Variants in TMEM74 observed in about 807,000 individuals in gnomAD.
The protein encoded by TMEM74 is transmembrane protein 74.
In TMEM74, 13 loss-of-function variants were observed where a neutral mutation model predicts 18.1. The ratio of observed to expected loss-of-function variants is 0.72; its 90% CI spans 0.47 to 1.14. The LOEUF (loss-of-function observed/expected upper bound fraction) is 1.14. Among genes scored for constraint, TMEM74 ranks in the 50% most tolerant of loss-of-function variants. The pLI is 0.00. For missense variants in TMEM74, 372 were observed against 375.9 expected (o/e 0.99, Z 0.09); for synonymous variants, 159 against 146.6 (o/e 1.08, Z -0.61).
At chr8:108,713,725 G>A (rs1234061381) in intron 1 of TMEM74, among the ~76,000 whole-genome samples, 2 of 152,230 alleles carry the variant, frequency 1.3e-5, no homozygotes, top group East Asian at 3.8e-4. Context: ...TGATATATGA[G>A]AGGAGATTTG....
chr8:108,672,694 T>C (rs950544903), intron 1 of TMEM74, among the ~76,000 whole-genome samples: 1 of 152,238 alleles, frequency 6.6e-6, no homozygotes, highest in Admixed American at 6.6e-5. Context: ...GATTAAAATA[T>C]ACAAAGCCAT....
At chr8:108,620,349 G>A (rs191840185) in intron 2 of TMEM74, among the ~76,000 whole-genome samples, 8 of 152,256 alleles carry the variant, frequency 5.3e-5, no homozygotes, top group South Asian at 2.1e-4. Context: ...ATCTCTGCAC[G>A]TGTAAGATTG....
intron 1 of TMEM74, among the ~76,000 whole-genome samples, chr8:108,698,045 G>A (rs899457324): frequency 1.3e-4 from 19 of 151,994 alleles, no homozygotes; most frequent in African/African-American, 3.1e-4. Flanking sequence ...CCTTAATCAC[G>A]AAAGTCTGTG....
At position 108,780,618 on chromosome 8, in the gene TMEM74, A is replaced by C. The variant is rs956353588; in HGVS notation, c.*3563T>G. Among the ~76,000 whole-genome samples, 1 of 152,146 alleles carries C rather than the reference A, an allele frequency of 6.6e-6. No homozygotes were observed. Among genetic ancestry groups the C allele is most frequent in the African/African-American group, 2.4e-5 (1 of 41,434 alleles). The stretch of plus-strand genomic sequence containing the variant: ...ACTGGTCCAATTGGGTCCCTAAAAC[A>C]AATAAGTATGAGGGGGATGAACTCA... On this transcript the variant is annotated 3_prime_UTR_variant, in exon 2 of 2. Coordinates refer to ENST00000297459, the MANE Select transcript of TMEM74 (RefSeq NM_153015.3).
At chr8:108,677,815 G>C (rs1472461174) in intron 1 of TMEM74, among the ~76,000 whole-genome samples, 1 of 152,132 alleles carries the variant, frequency 6.6e-6, no homozygotes, top group Non-Finnish European at 1.5e-5. Context: ...AGAGCCATGA[G>C]ATTGGATCAG....
chr8:108,695,024 A>G (rs571762884), intron 1 of TMEM74, among the ~76,000 whole-genome samples: 14 of 152,304 alleles, frequency 9.2e-5, no homozygotes, highest in African/African-American at 2.2e-4. Context: ...CAGGAAGCTA[A>G]CCACACGCTG....
At chr8:108,728,472 A>G (rs915616525) in intron 1 of TMEM74, among the ~76,000 whole-genome samples, 5 of 152,122 alleles carry the variant, frequency 3.3e-5, no homozygotes, top group African/African-American at 7.2e-5. Context: ...GAGTCTATAA[A>G]AGTCCTCTCC....
chr8:108,689,338 T>C lies in TMEM74; in HGVS notation n.120-33901A>G, dbSNP rs1213330812. The stretch of plus-strand genomic sequence containing the variant: ...CCTCCAACTTAGAGGCCAAGGTTAC[T>C]TTATTCAGTTAGGAGAGGAGGCACT... On this transcript the variant is annotated intron_variant and non_coding_transcript_variant, in intron 1 of 3. Coordinates refer to the TMEM74 transcript ENST00000518838. Among the ~76,000 whole-genome samples, 4 of 152,212 alleles carry C rather than the reference T, an allele frequency of 2.6e-5. No individual in the cohort carries two copies. The East Asian group carries it at 7.7e-4, about 29-fold the overall frequency.
chr8:108,726,600 A>G (rs761182547), intron 1 of TMEM74, among the ~76,000 whole-genome samples: 4 of 152,168 alleles, frequency 2.6e-5, no homozygotes, highest in East Asian at 1.9e-4. Flanking sequence ...CACGAATCTT[A>G]TCAGTATATT....
intron 1 of TMEM74, among the ~76,000 whole-genome samples, chr8:108,734,496 C>G (rs573134425): frequency 6.6e-6 from 1 of 152,212 alleles, no homozygotes; most frequent in South Asian, 2.1e-4. Flanking sequence ...TCATGTCATT[C>G]TTTGACACTG....
intron 1 of TMEM74, among the ~76,000 whole-genome samples, chr8:108,709,544 T>C (rs1208620343): frequency 6.6e-6 from 1 of 152,138 alleles, no homozygotes; most frequent in Non-Finnish European, 1.5e-5. Flanking sequence ...AAATGGGGAA[T>C]TGTTGTTCAG....
chr8:108,726,781 T>A (rs1057057561), intron 1 of TMEM74, among the ~76,000 whole-genome samples: 34 of 152,040 alleles, frequency 2.2e-4, no homozygotes, highest in African/African-American at 8.2e-4. Flanking sequence ...AGGGCTTACA[T>A]GCTGGAGGGT....
chr8:108,652,953 T>C, intron 2 of TMEM74: 1 of 293,912 alleles, frequency 3.4e-6, no homozygotes. Context: ...TTGCTAGACA[T>C]AAAAGAAGAC....
chr8:108,657,213 A>G (rs1307808366), intron 1 of TMEM74, among the ~76,000 whole-genome samples: 1 of 152,052 alleles, frequency 6.6e-6, no homozygotes, highest in African/African-American at 2.4e-5. Flanking sequence ...CCTAAGCCAT[A>G]TGGGGTCCAA....
intron 1 of TMEM74, among the ~76,000 whole-genome samples, chr8:108,703,459 G>A (rs1276003446): frequency 1.3e-5 from 2 of 152,130 alleles, no homozygotes; most frequent in Admixed American, 6.6e-5. Context: ...TCTGGTATAT[G>A]TATCAAGTGT....
intron 1 of TMEM74, among the ~76,000 whole-genome samples, chr8:108,695,242 T>C (rs1203785263): frequency 6.6e-6 from 1 of 151,954 alleles, no homozygotes; most frequent in Non-Finnish European, 1.5e-5. Context: ...ACTGATCACA[T>C]GAGGAAAAAA....
At position 108,698,271 on chromosome 8, in the gene TMEM74, G is replaced by C. The variant is rs569412845; in HGVS notation, n.120-42834C>G. On this transcript the variant is annotated intron_variant and non_coding_transcript_variant, in intron 1 of 3. Coordinates refer to the TMEM74 transcript ENST00000518838. ...CTTTCAAGCTCAGAGTAACTGAAAG[G>C]GTGCTTTATCCATTTCCAAATTTAG... Among the ~76,000 whole-genome samples, 20 of 152,170 alleles carry C rather than the reference G, an allele frequency of 1.3e-4. No individual in the cohort carries two copies. In the East Asian group the frequency reaches 1.5e-3, roughly 12 times the overall value.
intron 2 of TMEM74, among the ~76,000 whole-genome samples, chr8:108,613,919 T>G (rs1812359036): frequency 6.6e-6 from 1 of 152,184 alleles, no homozygotes; most frequent in African/African-American, 2.4e-5. Context: ...TACTTCATCT[T>G]CCAATGGGGT....
intron 1 of TMEM74, among the ~76,000 whole-genome samples, chr8:108,763,377 G>A (rs1036663472): frequency 2.0e-4 from 31 of 152,020 alleles, no homozygotes; most frequent in Non-Finnish European, 1.2e-4. Context: ...CTTTTCCTGA[G>A]ATTTAGCCAT....
Sources: gnomAD v4.1 joint callset for allele counts (sites outside exome capture counted in the v4.1 genomes callset) on GRCh38, gnomAD v4.1.1 for gene constraint, MANE v1.5 for transcripts, NCBI Gene and HGNC (gene_info 2026-07-23, HGNC 2026-07-21) for gene names.